SAXO1: variants seen among roughly 807,000 people sequenced by gnomAD.
SAXO1 encodes 4930500O09Rik.
Under a neutral mutation model 17.5 loss-of-function variants are expected in SAXO1, and 21 were observed. The ratio of observed to expected loss-of-function variants is 1.20; its 90% CI spans 0.85 to 1.72. SAXO1 has a LOEUF of 1.72. SAXO1 is among the 40% of genes most tolerant of loss of function. SAXO1 has a pLI of 0.00. For synonymous variants in SAXO1, 274 were observed against 216.5 expected (o/e 1.27, Z -2.33); for missense variants, 843 against 596.0 (o/e 1.41, Z -4.32).
At chr9:18,976,968 C>T (rs1354297133) in intron 1 of SAXO1, among the ~76,000 whole-genome samples, 1 of 152,182 alleles carries the variant, frequency 6.6e-6, no homozygotes, top group Non-Finnish European at 1.5e-5. Flanking sequence ...TGGCTCACGG[C>T]TGTTATCATC....
At chr9:18,959,092 G>C (rs1261087258) in intron 1 of SAXO1, among the ~76,000 whole-genome samples, 1 of 152,162 alleles carries the variant, frequency 6.6e-6, no homozygotes, top group Non-Finnish European at 1.5e-5. Flanking sequence ...AGCTTTAGTA[G>C]AGCCGCTGGG....
rs1830836656 is a variant in SAXO1 at position 18,928,012 on chromosome 9, T to A, written c.*40A>T. 2 of 1,490,162 alleles carry A rather than the reference T, an allele frequency of 1.3e-6. No homozygotes were observed. Among genetic ancestry groups the A allele is most frequent in the African/African-American group, 2.8e-5 (2 of 71,640 alleles). 92.3% of individuals were successfully genotyped at this position (1,490,162 alleles called of 1,614,324 possible). A position where few individuals can be genotyped will look rare whatever the true frequency, so the allele number is the denominator to read the frequency against. On this transcript the variant is annotated 3_prime_UTR_variant, in exon 4 of 4. Coordinates refer to ENST00000380534, the MANE Select transcript of SAXO1 (RefSeq NM_153707.4). ...CAAATAATTCTCAGTTGTCTGCTTT[T>A]AAAAGTACTGTGTAATTTCTAAATT...
intron 1 of SAXO1, among the ~76,000 whole-genome samples, chr9:19,045,032 C>A (rs1360395742): frequency 1.3e-5 from 2 of 151,718 alleles, no homozygotes; most frequent in Non-Finnish European, 2.9e-5. Flanking sequence ...ATTAGACGGC[C>A]GGGCGCGGTG....
At chr9:19,045,503 G>A (rs1268289101) in intron 1 of SAXO1, among the ~76,000 whole-genome samples, 3 of 152,112 alleles carry the variant, frequency 2.0e-5, no homozygotes, top group Non-Finnish European at 4.4e-5. Context: ...ACAGAGGACT[G>A]AAGTACCATA....
intron 1 of SAXO1, among the ~76,000 whole-genome samples, chr9:19,003,073 A>C (rs1834343879): frequency 1.3e-5 from 2 of 152,206 alleles, no homozygotes; most frequent in Admixed American, 1.3e-4. Context: ...ATGTGCAAAA[A>C]TCACAAGCAT....
At chr9:18,982,773 T>C (rs1297737772) in intron 1 of SAXO1, among the ~76,000 whole-genome samples, 3 of 152,252 alleles carry the variant, frequency 2.0e-5, no homozygotes, top group African/African-American at 7.2e-5. Context: ...CTGAGTAACA[T>C]ATCTTGGAAA....
At chr9:19,011,203 G>A (rs1004298281) in intron 1 of SAXO1, among the ~76,000 whole-genome samples, 1 of 152,174 alleles carries the variant, frequency 6.6e-6, no homozygotes, top group African/African-American at 2.4e-5. Flanking sequence ...TTAAATACAT[G>A]CGTGACTGAA....
chr9:18,976,299 AACATAATAATGC>A (rs770026901), intron 1 of SAXO1, among the ~76,000 whole-genome samples: 17 of 152,224 alleles, frequency 1.1e-4, no homozygotes, highest in Non-Finnish European at 2.2e-4. Context: ...TGTCTTTTCT[AACATAATAATGC>A]TGACTCCTAA....
intron 1 of SAXO1, among the ~76,000 whole-genome samples, chr9:19,009,458 A>C (rs150075355): frequency 2.0e-5 from 3 of 152,198 alleles, no homozygotes; most frequent in African/African-American, 7.2e-5. Flanking sequence ...TAAACAGCTC[A>C]AAAAGAAGCC....
At chr9:19,028,756 T>TC in intron 1 of SAXO1, among the ~76,000 whole-genome samples, 1 of 149,310 alleles carries the variant, frequency 6.7e-6, no homozygotes, top group East Asian at 1.9e-4. Context: ...ATATGTCTGA[T>TC]TTTTTTTTTA....
At chr9:18,959,687 CT>C (rs1243075266) in intron 1 of SAXO1, among the ~76,000 whole-genome samples, 1 of 151,888 alleles carries the variant, frequency 6.6e-6, no homozygotes, top group Non-Finnish European at 1.5e-5. Context: ...AGGAGAATCA[CT>C]TGCACCAGGG....
chr9:18,954,621 G>C (rs1384296273), intron 1 of SAXO1, among the ~76,000 whole-genome samples: 1 of 152,138 alleles, frequency 6.6e-6, no homozygotes, highest in African/African-American at 2.4e-5. Context: ...ACAGGCATGA[G>C]CCACCACACC....
chr9:19,007,958 C>T (rs73433252), intron 1 of SAXO1, among the ~76,000 whole-genome samples: 1,822 of 150,796 alleles, frequency 0.012, 40 homozygotes, highest in African/African-American at 0.042. Context: ...AGTCCTCAAA[C>T]ATTTACTACC....
chr9:18,973,904 TTA>T (rs1318389244), intron 1 of SAXO1, among the ~76,000 whole-genome samples: 1 of 152,246 alleles, frequency 6.6e-6, no homozygotes, highest in Non-Finnish European at 1.5e-5. Flanking sequence ...AAAGCTCTTG[TTA>T]TATGTCATGT....
chr9:19,023,147 C>CA (rs1835318104), intron 1 of SAXO1, among the ~76,000 whole-genome samples: 4 of 125,976 alleles, frequency 3.2e-5, no homozygotes, highest in South Asian at 6.8e-4. Flanking sequence ...ACATCCCCCC[C>CA]CACCCCCCCG....
chr9:18,967,887 A>G (rs185376265), intron 1 of SAXO1, among the ~76,000 whole-genome samples: 264 of 152,312 alleles, frequency 1.7e-3, no homozygotes, highest in East Asian at 4.8e-3. Context: ...TAGGCACACA[A>G]GGGAATCTCC....
At chr9:19,009,555 G>C (rs1271248981) in intron 1 of SAXO1, among the ~76,000 whole-genome samples, 4 of 151,394 alleles carry the variant, frequency 2.6e-5, no homozygotes, top group Admixed American at 6.6e-5. Context: ...GGTGGAAACT[G>C]TGAAGTAATA....
At chr9:19,029,248 G>A (rs542615167) in intron 1 of SAXO1, among the ~76,000 whole-genome samples, 1 of 152,268 alleles carries the variant, frequency 6.6e-6, no homozygotes, top group Non-Finnish European at 1.5e-5. Context: ...GAAAAACTTC[G>A]GAAGAAGAGA....
chr9:18,967,524 TC>T (rs1266639329), intron 1 of SAXO1, among the ~76,000 whole-genome samples: 1 of 152,218 alleles, frequency 6.6e-6, no homozygotes, highest in Admixed American at 6.5e-5. Context: ...AGTTCAAACT[TC>T]CTGGCTTTGT....
Sources: gnomAD v4.1 joint callset for allele counts (sites outside exome capture counted in the v4.1 genomes callset) on GRCh38, gnomAD v4.1.1 for gene constraint, MANE v1.5 for transcripts, NCBI Gene and HGNC (gene_info 2026-07-23, HGNC 2026-07-21) for gene names.